EBF1: variants seen among roughly 807,000 people sequenced by gnomAD.
EBF1 encodes EBF transcription factor 1.
A neutral mutation model predicts 68.4 loss-of-function variants in EBF1; 10 were observed. That is an observed-to-expected ratio of 0.15 (90% CI 0.09 to 0.25). EBF1 has a LOEUF of 0.25. Among genes scored for constraint, EBF1 ranks in the 10% least tolerant of loss-of-function variants. EBF1 has a pLI of 1.00. For missense variants in EBF1, 509 were observed against 794.4 expected, an observed-to-expected ratio of 0.64 and a Z score of 4.32; for synonymous variants, 298 against 299.8, an observed-to-expected ratio of 0.99 and a Z score of 0.06.
chr5:158,952,388 C>T (rs1816210474), intron 6 of EBF1, among the ~76,000 whole-genome samples: 1 of 152,250 alleles, frequency 6.6e-6, no homozygotes, highest in East Asian at 1.9e-4. Context: ...GAAAGTAGGC[C>T]ACTACTACTA....
At chr5:159,057,785 G>A (rs565965522) in intron 6 of EBF1, among the ~76,000 whole-genome samples, 1 of 152,258 alleles carries the variant, frequency 6.6e-6, no homozygotes, top group East Asian at 1.9e-4. Context: ...TCTTCCTACA[G>A]GAATCTAGAT....
chr5:158,759,868 T>C (rs932505923), intron 10 of EBF1, among the ~76,000 whole-genome samples: 3 of 152,096 alleles, frequency 2.0e-5, no homozygotes, highest in Non-Finnish European at 4.4e-5. Context: ...TGGAACATAA[T>C]AGCTATTCAA....
At chr5:159,087,469 T>TAC (rs753229609) in intron 4 of EBF1, among the ~76,000 whole-genome samples, 4 of 150,426 alleles carry the variant, frequency 2.7e-5, no homozygotes, top group East Asian at 1.9e-4. Context: ...CACACATATA[T>TAC]ACACACACAC....
intron 10 of EBF1, among the ~76,000 whole-genome samples, chr5:158,762,729 G>T (rs1439423261): frequency 6.6e-6 from 1 of 152,138 alleles, no homozygotes; most frequent in Non-Finnish European, 1.5e-5. Context: ...TAGAGACGGG[G>T]TTTCACCATG....
At chr5:158,979,527 G>T (rs1040780802) in intron 6 of EBF1, among the ~76,000 whole-genome samples, 1 of 151,962 alleles carries the variant, frequency 6.6e-6, no homozygotes, top group Non-Finnish European at 1.5e-5. Flanking sequence ...ATTTTTCCCG[G>T]CACTAATGCA....
At chr5:159,090,355 A>G (rs1781416418) in intron 4 of EBF1, among the ~76,000 whole-genome samples, 1 of 152,120 alleles carries the variant, frequency 6.6e-6, no homozygotes, top group South Asian at 2.1e-4. Context: ...AACACTACAA[A>G]TCTGACATTT....
intron 10 of EBF1, among the ~76,000 whole-genome samples, chr5:158,736,266 T>C (rs1765161246): frequency 6.6e-6 from 1 of 152,180 alleles, no homozygotes; most frequent in Non-Finnish European, 1.5e-5. Flanking sequence ...TCCGTCCCCG[T>C]TAACTTCTTG....
Position 158,778,745 on chromosome 5 carries a change from A to AT in EBF1, c.910-1207dup, listed in dbSNP as rs1244728310. On this transcript the variant is annotated intron_variant, in intron 9 of 15. Transcript: ENST00000313708. ...AAAGCCCACAAGTAATTTATATCAA[A>AT]TGTTCCTTCTTGAAACAAGAAAAAG... is the stretch of plus-strand genomic sequence containing the variant. Among the ~76,000 whole-genome samples the AT allele has an allele frequency of 4.6e-5, 7 of 152,166 alleles. No homozygotes were observed. The East Asian group carries it at 1.3e-3, about 29-fold the overall frequency.
intron 15 of EBF1, among the ~76,000 whole-genome samples, chr5:158,700,828 C>T (rs1240924392): frequency 2.0e-5 from 3 of 152,070 alleles, no homozygotes; most frequent in East Asian, 1.9e-4. Flanking sequence ...TTCTGTAAGC[C>T]CTCATAAGCC....
chr5:158,857,307 C>T (rs76154247), intron 6 of EBF1, among the ~76,000 whole-genome samples: 8,201 of 152,066 alleles, frequency 0.054, 291 homozygotes, highest in Non-Finnish European at 0.071. Flanking sequence ...TGCACTGGGA[C>T]ACTCCCCTGG....
intron 6 of EBF1, among the ~76,000 whole-genome samples, chr5:158,895,918 A>G (rs562707510): frequency 2.1e-4 from 32 of 152,348 alleles, no homozygotes; most frequent in African/African-American, 7.2e-4. Flanking sequence ...TTCTCCTGAA[A>G]TGCATTCTTG....
At chr5:159,013,117 T>G (rs1764991628) in intron 6 of EBF1, among the ~76,000 whole-genome samples, 1 of 152,258 alleles carries the variant, frequency 6.6e-6, no homozygotes, top group Non-Finnish European at 1.5e-5. Context: ...GTGCCCATCA[T>G]GCAACTGCTA....
chr5:159,072,749 C>T (rs1174341592), intron 6 of EBF1, among the ~76,000 whole-genome samples: 6 of 152,066 alleles, frequency 3.9e-5, no homozygotes, highest in Non-Finnish European at 5.9e-5. Context: ...AAAATTACAC[C>T]GAACAACTAA....
chr5:158,800,595 AAAAC>A (rs1203178129), intron 8 of EBF1, among the ~76,000 whole-genome samples: 7 of 152,228 alleles, frequency 4.6e-5, no homozygotes, highest in Non-Finnish European at 8.8e-5. Flanking sequence ...AAAGGAAAAT[AAAAC>A]AAACAAAACA....
intron 6 of EBF1, among the ~76,000 whole-genome samples, chr5:158,952,686 A>G (rs1816264783): frequency 6.6e-6 from 1 of 152,248 alleles, no homozygotes; most frequent in South Asian, 2.1e-4. Context: ...GGGAACAGCA[A>G]TATTACTTTT....
At chr5:158,903,537 A>G (rs2127309338) in intron 6 of EBF1, among the ~76,000 whole-genome samples, 1 of 152,214 alleles carries the variant, frequency 6.6e-6, no homozygotes, top group East Asian at 1.9e-4. Flanking sequence ...GACAATGGGC[A>G]GGTCTTAGGC....
Position 158,731,023 on chromosome 5 carries a change from G to A in EBF1, c.1125+46C>T, listed in dbSNP as rs561604777. On this transcript the variant is annotated intron_variant, in intron 11 of 15. Coordinates refer to ENST00000313708, the MANE Select transcript of EBF1 (RefSeq NM_024007.5). ...TCAGCAGCAGAGTTTTCTGCAAATC[G>A]CTCAAGTCCAAATTTTCAGGAATTA... 1.5e-5 allele frequency: 23 copies of A among 1,563,354 alleles called. No homozygotes were observed. The Admixed American group carries it at 1.6e-4, about 11-fold the overall frequency.
At chr5:158,842,290 G>A (rs1055961823) in intron 6 of EBF1, among the ~76,000 whole-genome samples, 1 of 152,212 alleles carries the variant, frequency 6.6e-6, no homozygotes, top group Non-Finnish European at 1.5e-5. Flanking sequence ...ATTTAATACA[G>A]TGGAGCTGAC....
intron 11 of EBF1, among the ~76,000 whole-genome samples, chr5:158,722,203 GA>G (rs2127520413): frequency 6.6e-6 from 1 of 152,328 alleles, no homozygotes; most frequent in South Asian, 2.1e-4. Context: ...GCTCTGGACA[GA>G]GATGCCTTTT....
Sources: gnomAD v4.1 joint callset for allele counts (sites outside exome capture counted in the v4.1 genomes callset) on GRCh38, gnomAD v4.1.1 for gene constraint, MANE v1.5 for transcripts, NCBI Gene and HGNC (gene_info 2026-07-23, HGNC 2026-07-21) for gene names.